Variants in STRN observed in about 807,000 individuals in gnomAD.
STRN encodes striatin, also known as protein phosphatase 2 regulatory subunit B'''alpha.
Under a neutral mutation model 96.3 loss-of-function variants are expected in STRN, and 53 were observed. That is an observed-to-expected ratio of 0.55 (90% CI 0.44 to 0.69). The LOEUF (loss-of-function observed/expected upper bound fraction) is 0.69, where lower values mean the gene tolerates loss of function less well. Among genes scored for constraint, STRN ranks in the 30% least tolerant of loss-of-function variants. The probability of loss-of-function intolerance (pLI) is 0.00; values close to 1 mark genes in which losing one functional copy is unlikely to be tolerated. For missense variants in STRN, 987 were observed against 963.9 expected, an observed-to-expected ratio of 1.02 and a Z score of -0.32; for synonymous variants, 428 against 355.9, an observed-to-expected ratio of 1.20 and a Z score of -2.28.
At chr2:36,850,283 C>T (rs2148123717) in intron 16 of STRN, among the ~76,000 whole-genome samples, 1 of 152,284 alleles carries the variant, frequency 6.6e-6, no homozygotes, top group Middle Eastern at 3.4e-3. Flanking sequence ...TCATCACCAG[C>T]AGCTAAACAA....
chr2:36,872,864 A>C (rs891455156), intron 10 of STRN, among the ~76,000 whole-genome samples: 8 of 152,202 alleles, frequency 5.3e-5, no homozygotes, highest in African/African-American at 1.2e-4. Flanking sequence ...ATAAAAAAAA[A>C]CAGACAAAAA....
At chr2:36,935,935 G>A (rs1217540644) in intron 1 of STRN, among the ~76,000 whole-genome samples, 2 of 151,930 alleles carry the variant, frequency 1.3e-5, no homozygotes, top group African/African-American at 2.4e-5. Flanking sequence ...TATGAAATGT[G>A]AATTAGAGCT....
At position 36,848,975 on chromosome 2, in the gene STRN, AG is replaced by A. The variant is rs200935726; in HGVS notation, c.*480del. 6.4e-4 allele frequency: 99 copies of A among 155,844 alleles called. 1 individual carries two copies. In the East Asian group the frequency reaches 0.017, roughly 27 times the overall value. 9.7% of individuals were successfully genotyped at this position (155,844 alleles called of 1,614,324 possible). A position where few individuals can be genotyped will look rare whatever the true frequency, so the allele number is the denominator to read the frequency against. ...AACACTGCCTGGTCATTATACACAA[AG>A]GGGTTAATATGGCAGATATGATAAA... On this transcript the variant is annotated 3_prime_UTR_variant, in exon 18 of 18. Transcript: ENST00000263918.
intron 1 of STRN, among the ~76,000 whole-genome samples, chr2:36,942,954 C>T (rs1670882996): frequency 6.6e-6 from 1 of 152,116 alleles, no homozygotes; most frequent in South Asian, 2.1e-4. Flanking sequence ...CCTCGGCCTC[C>T]CAAAGTGCTG....
intron 1 of STRN, among the ~76,000 whole-genome samples, chr2:36,948,382 G>A (rs1319660028): frequency 1.3e-5 from 2 of 152,082 alleles, no homozygotes; most frequent in Non-Finnish European, 1.5e-5. Flanking sequence ...TTACAGGCAT[G>A]ATCCACCGCG....
intron 3 of STRN, among the ~76,000 whole-genome samples, chr2:36,915,041 C>A (rs971142069): frequency 1.3e-5 from 2 of 150,676 alleles, no homozygotes; most frequent in African/African-American, 4.9e-5. Context: ...ATTAAAAATA[C>A]AAAAAATTAG....
intron 1 of STRN, among the ~76,000 whole-genome samples, chr2:36,939,133 G>A (rs908490603): frequency 2.6e-5 from 4 of 151,982 alleles, no homozygotes; most frequent in South Asian, 4.2e-4. Flanking sequence ...TTACAGGCAC[G>A]TGGAATTACA....
chr2:36,887,315 A>AAATG (rs1669265143), intron 7 of STRN, among the ~76,000 whole-genome samples: 1 of 150,512 alleles, frequency 6.6e-6, no homozygotes, highest in Non-Finnish European at 1.5e-5. Flanking sequence ...ATAAATAAAT[A>AAATG]CAAAATTAGC....
chr2:36,907,315 C>T (rs1036109755), intron 3 of STRN, among the ~76,000 whole-genome samples: 11 of 152,172 alleles, frequency 7.2e-5, no homozygotes. Flanking sequence ...TTTGGGAGGC[C>T]AAGGTGGGCG....
In STRN at chr2:36,902,767, C is replaced by A; in HGVS notation, c.492-16G>T. On this transcript the variant is annotated splice_polypyrimidine_tract_variant and intron_variant, in intron 4 of 17. Coordinates refer to ENST00000263918, the MANE Select transcript of STRN (RefSeq NM_003162.4). The stretch of plus-strand genomic sequence containing the variant: ...CTGTAGATACCTGTGTGAAGAGAAT[C>A]CTTAGAGTTCAGTCATACTGGAATC... 1 of 1,574,042 alleles carries A rather than the reference C, an allele frequency of 6.4e-7. No individual in the cohort carries two copies. Among genetic ancestry groups the A allele is most frequent in the Non-Finnish European group, 8.6e-7 (1 of 1,158,110 alleles).
At chr2:36,958,092 A>G (rs141396857) in intron 1 of STRN, among the ~76,000 whole-genome samples, 4,782 of 151,392 alleles carry the variant, frequency 0.032, 126 homozygotes, top group African/African-American at 0.078. Flanking sequence ...GCTAATTTTT[A>G]TATTTTTAGT....
chr2:36,872,225 T>A (rs1180205973), intron 10 of STRN, among the ~76,000 whole-genome samples: 2 of 152,198 alleles, frequency 1.3e-5, no homozygotes, highest in East Asian at 3.8e-4. Flanking sequence ...CCATCTTGGG[T>A]ATTCTTGCTC....
At chr2:36,948,712 C>T in intron 1 of STRN, among the ~76,000 whole-genome samples, 1 of 151,930 alleles carries the variant, frequency 6.6e-6, no homozygotes, top group Non-Finnish European at 1.5e-5. Flanking sequence ...TTATAAGAAG[C>T]AAGTAAAAAA....
chr2:36,920,208 A>T (rs917476105), intron 2 of STRN, among the ~76,000 whole-genome samples: 1 of 152,218 alleles, frequency 6.6e-6, no homozygotes, highest in Non-Finnish European at 1.5e-5. Flanking sequence ...GTATATTTCA[A>T]ATTTTCCTCA....
At chr2:36,947,569 T>TA (rs1664614452) in intron 1 of STRN, among the ~76,000 whole-genome samples, 1 of 145,776 alleles carries the variant, frequency 6.9e-6, no homozygotes, top group African/African-American at 2.5e-5. Flanking sequence ...TACATATATA[T>TA]TATATATATA....
chr2:36,935,833 A>C (rs1670688038), intron 1 of STRN, among the ~76,000 whole-genome samples: 1 of 152,260 alleles, frequency 6.6e-6, no homozygotes, highest in Admixed American at 6.5e-5. Context: ...GTAGAAGTAT[A>C]AACAATAATT....
intron 12 of STRN, among the ~76,000 whole-genome samples, chr2:36,867,023 C>T (rs1668646130): frequency 6.6e-6 from 1 of 152,176 alleles, no homozygotes; most frequent in African/African-American, 2.4e-5. Flanking sequence ...AGCCCTTTTA[C>T]ATTCAAGGTT....
intron 1 of STRN, among the ~76,000 whole-genome samples, chr2:36,937,843 C>T (rs922604863): frequency 6.6e-6 from 1 of 152,010 alleles, no homozygotes; most frequent in Admixed American, 6.6e-5. Context: ...TTATAAAACA[C>T]TCTCTTAACA....
chr2:36,885,311 A>G (rs1669190916), intron 8 of STRN, among the ~76,000 whole-genome samples: 1 of 152,130 alleles, frequency 6.6e-6, no homozygotes, highest in African/African-American at 2.4e-5. Flanking sequence ...TAGCATAATG[A>G]CCTAAAGAAA....
Sources: allele counts gnomAD v4.1 joint callset (sites outside exome capture counted in the v4.1 genomes callset), GRCh38; gene constraint gnomAD v4.1.1; transcripts MANE v1.5; gene names NCBI Gene and HGNC (gene_info 2026-07-23, HGNC 2026-07-21).